ALG8: variants seen among roughly 807,000 people sequenced by gnomAD.
ALG8 encodes the protein ALG8 alpha-1,3-glucosyltransferase, also known as dolichyl pyrophosphate Glc1Man9GlcNAc2 alpha-1,3-glucosyltransferase.
Under a neutral mutation model 70.2 loss-of-function variants are expected in ALG8, and 48 were observed. The observed-to-expected ratio is 0.68, with a 90% CI of 0.54 to 0.87. ALG8 has a LOEUF of 0.87. ALG8 is among the 40% of genes least tolerant of loss of function. The probability of loss-of-function intolerance (pLI) is 0.00; values close to 1 mark genes in which losing one functional copy is unlikely to be tolerated. For synonymous variants in ALG8, 234 were observed against 229.0 expected (o/e 1.02, Z -0.20); for missense variants, 572 against 608.7 (o/e 0.94, Z 0.64).
intron 10 of ALG8, among the ~76,000 whole-genome samples, chr11:78,106,075 T>A (rs763706667): frequency 1.3e-5 from 2 of 152,206 alleles, no homozygotes; most frequent in African/African-American, 2.4e-5. Context: ...CTGGAAAATC[T>A]GAAATGTAGT....
At chr11:78,102,646 A>C (rs1859843305) in intron 12 of ALG8, among the ~76,000 whole-genome samples, 2 of 152,202 alleles carry the variant, frequency 1.3e-5, no homozygotes, top group South Asian at 4.1e-4. Context: ...TATGAACCAT[A>C]AGCAAGCTTT....
At chr11:78,118,318 CA>C (rs1181323357) in intron 5 of ALG8, among the ~76,000 whole-genome samples, 1 of 152,034 alleles carries the variant, frequency 6.6e-6, no homozygotes, top group African/African-American at 2.4e-5. Context: ...CCCAACCAGA[CA>C]AAATGTAATT....
chr11:78,124,238 A>C, intron 2 of ALG8, 24 bp from the exon 3 acceptor site: 1 of 1,605,606 alleles, frequency 6.2e-7, no homozygotes, highest in South Asian at 1.1e-5. Context: ...AGAAGATCAG[A>C]CATATCCTAA....
At chr11:78,106,050 A>G (rs1860015089) in intron 10 of ALG8, among the ~76,000 whole-genome samples, 1 of 152,212 alleles carries the variant, frequency 6.6e-6, no homozygotes, top group Admixed American at 6.5e-5. Flanking sequence ...GAAAGAATGC[A>G]AAACAAAAAC....
intron 5 of ALG8, among the ~76,000 whole-genome samples, chr11:78,117,260 C>A (rs1054107565): frequency 1.2e-4 from 19 of 152,104 alleles, no homozygotes; most frequent in African/African-American, 4.6e-4. Context: ...GATGGTGTAT[C>A]AAAATTCCTT....
chr11:78,108,343 G>T (rs1860135989), intron 9 of ALG8, among the ~76,000 whole-genome samples: 1 of 151,512 alleles, frequency 6.6e-6, no homozygotes, highest in African/African-American at 2.4e-5. Flanking sequence ...GCAGTGGCAG[G>T]CGCCTGTAAT....
chr11:78,113,362 CATATACATGTATATAT>C (rs1172605185), intron 7 of ALG8, among the ~76,000 whole-genome samples: 15 of 148,522 alleles, frequency 1.0e-4, no homozygotes, highest in Admixed American at 4.7e-4. Context: ...TACAGTTAAA[CATATACATGTATATAT>C]ATATACATAT....
At chr11:78,117,508 C>T (rs1316833927) in intron 5 of ALG8, among the ~76,000 whole-genome samples, 1 of 151,844 alleles carries the variant, frequency 6.6e-6, no homozygotes, top group Non-Finnish European at 1.5e-5. Flanking sequence ...GAGTTCAAGA[C>T]CTGTCTCTAA....
intron 4 of ALG8, among the ~76,000 whole-genome samples, chr11:78,119,783 C>G (rs1018294826): frequency 1.3e-5 from 2 of 152,128 alleles, no homozygotes; most frequent in Non-Finnish European, 2.9e-5. Context: ...TTTGCTGAAG[C>G]AAACACCATA....
At position 78,139,430 on chromosome 11, in the gene ALG8, T is replaced by A. The variant is rs558200196; in HGVS notation, c.95+64A>T. The A allele has an allele frequency of 5.9e-4, 881 of 1,486,542 alleles. 13 individuals are homozygous for A. The South Asian group carries it at 0.01, about 17-fold the overall frequency. 92.1% of individuals were successfully genotyped at this position (1,486,542 alleles called of 1,614,324 possible). ...TCATACCCAGGGATATCCACACCTT[T>A]CTCTCCCGCCCTGACCGACCGCGGG... On this transcript the variant is annotated intron_variant, in intron 1 of 12. Coordinates refer to ENST00000299626, the MANE Select transcript of ALG8 (RefSeq NM_024079.5).
intron 5 of ALG8, chr11:78,114,602 A>G (rs1860473120): frequency 1.6e-6 from 1 of 617,706 alleles, no homozygotes; most frequent in African/African-American, 1.8e-5. Flanking sequence ...AGGGATATAT[A>G]GGAACTCTCT....
intron 2 of ALG8, 69 bp downstream of exon 2, chr11:78,127,289 T>C: frequency 1.4e-6 from 2 of 1,401,254 alleles, no homozygotes; most frequent in Non-Finnish European, 2.0e-6. Context: ...AAAACATTTT[T>C]AATATCAGTA....
intron 1 of ALG8, among the ~76,000 whole-genome samples, chr11:78,136,012 T>C (rs549223174): frequency 2.7e-5 from 4 of 148,952 alleles, no homozygotes; most frequent in Non-Finnish European, 6.0e-5. Context: ...CTGCAAAAAA[T>C]ACAAAAAGTT....
At chr11:78,136,158 A>G (rs1861541187) in intron 1 of ALG8, among the ~76,000 whole-genome samples, 2 of 151,992 alleles carry the variant, frequency 1.3e-5, no homozygotes, top group Non-Finnish European at 2.9e-5. Flanking sequence ...AAAGTGAAAC[A>G]CTGTCTCAAA....
At chr11:78,119,080 A>G in intron 5 of ALG8, 102 bp downstream of exon 5, 2 of 894,742 alleles carry the variant, frequency 2.2e-6, no homozygotes, top group Non-Finnish European at 3.6e-6. Flanking sequence ...TTGGCAGCTC[A>G]AAACAGTCAA....
intron 3 of ALG8, 125 bp from the exon 4 acceptor site, chr11:78,121,299 T>A: frequency 1.3e-6 from 1 of 751,836 alleles, no homozygotes; most frequent in Non-Finnish European, 2.2e-6. Flanking sequence ...TTTTTTTTTT[T>A]TTTTCCAATT....
chr11:78,113,547 T>C (rs1165900107), intron 7 of ALG8, among the ~76,000 whole-genome samples: 1 of 151,896 alleles, frequency 6.6e-6, no homozygotes, highest in East Asian at 1.9e-4. Context: ...ACCCTGTCTC[T>C]ACTAAAAATA....
intron 1 of ALG8, among the ~76,000 whole-genome samples, chr11:78,130,376 TATCA>T (rs763768402): frequency 0.01 from 463 of 46,276 alleles, 1 homozygote; most frequent in Non-Finnish European, 0.015. Context: ...AAGGTGAGAA[TATCA>T]ATACCTTTAG....
At position 78,104,428 on chromosome 11, in the gene ALG8, C is replaced by T; in HGVS notation, c.1204G>A (p.Asp402Asn). The part of the protein sequence containing the change: ...MSLLSVGKAG[D>N]ASIFLILTTT... The stretch of plus-strand genomic sequence containing the variant: ...GTCAGAATCAGAAAAATCGAAGCGT[C>T]TCCTGCTTTTCCCACAGACAAAAGG... The change falls in exon 11 of 13, where the codon GAC becomes AAC. Residue 402 changes from aspartate (D) to asparagine (N), a missense_variant. Asp to Asn is a conservative substitution (Grantham distance 23, BLOSUM62 1). Transcript: ENST00000299626. 1 of 1,593,922 alleles carries T rather than the reference C, an allele frequency of 6.3e-7. No homozygotes were observed. The highest frequency in any genetic ancestry group is 8.5e-7 in the Non-Finnish European group (1 of 1,169,796).
Sources: allele counts gnomAD v4.1 joint callset (sites outside exome capture counted in the v4.1 genomes callset), GRCh38; gene constraint gnomAD v4.1.1; transcripts MANE v1.5; gene names NCBI Gene and HGNC (gene_info 2026-07-23, HGNC 2026-07-21).